Variants in SKAP1 observed in about 807,000 individuals in gnomAD.
The protein encoded by SKAP1 is src kinase associated phosphoprotein 1, also known as src kinase-associated phosphoprotein 1.
Under a neutral mutation model 58.5 loss-of-function variants are expected in SKAP1, and 44 were observed. That is an observed-to-expected ratio of 0.75 (90% CI 0.59 to 0.97). The LOEUF (loss-of-function observed/expected upper bound fraction) is 0.97. Among genes scored for constraint, SKAP1 ranks in the 50% least tolerant of loss-of-function variants. The pLI is 0.00. For missense variants in SKAP1, 390 were observed against 435.2 expected (o/e 0.90, Z 0.92); for synonymous variants, 127 against 149.7 (o/e 0.85, Z 1.11).
At chr17:48,233,607 C>T (rs2065147804) in intron 4 of SKAP1, among the ~76,000 whole-genome samples, 1 of 152,098 alleles carries the variant, frequency 6.6e-6, no homozygotes, top group South Asian at 2.1e-4. Context: ...GTAATCCCAG[C>T]ACTTTGGGAG....
intron 9 of SKAP1, among the ~76,000 whole-genome samples, chr17:48,173,251 ATGGGAAAAGGAG>A (rs1357973410): frequency 1.3e-5 from 2 of 151,994 alleles, no homozygotes; most frequent in Non-Finnish European, 2.9e-5. Context: ...ACAATATAGT[ATGGGAAAAGGAG>A]CACTTTGACT....
intron 5 of SKAP1, 46 bp downstream of exon 5, chr17:48,189,377 C>A: frequency 6.7e-7 from 1 of 1,491,164 alleles, no homozygotes; most frequent in Non-Finnish European, 9.3e-7. Context: ...TCCTCACTTC[C>A]CTTCCCTTCC....
At chr17:48,264,827 C>A (rs984836170) in intron 4 of SKAP1, among the ~76,000 whole-genome samples, 1 of 151,482 alleles carries the variant, frequency 6.6e-6, no homozygotes, top group Non-Finnish European at 1.5e-5. Context: ...CAGAACTGTA[C>A]TTGTCCCCAG....
intron 11 of SKAP1, among the ~76,000 whole-genome samples, chr17:48,140,894 C>T (rs942552780): frequency 1.3e-5 from 2 of 151,726 alleles, no homozygotes; most frequent in African/African-American, 4.8e-5. Flanking sequence ...TCAAGCAATT[C>T]TCCTGCCTCA....
At chr17:48,424,022 C>T (rs2067825563) in intron 1 of SKAP1, among the ~76,000 whole-genome samples, 1 of 152,134 alleles carries the variant, frequency 6.6e-6, no homozygotes. Context: ...TTGTCTTATT[C>T]CATTTGAGCT....
At chr17:48,404,152 A>G (rs1314632581) in intron 1 of SKAP1, among the ~76,000 whole-genome samples, 1 of 150,662 alleles carries the variant, frequency 6.6e-6, no homozygotes, top group Non-Finnish European at 1.5e-5. Context: ...TAAAAATATT[A>G]ATATCAAAAA....
intron 4 of SKAP1, among the ~76,000 whole-genome samples, chr17:48,276,940 G>C (rs1403047525): frequency 6.6e-6 from 1 of 152,174 alleles, no homozygotes; most frequent in Non-Finnish European, 1.5e-5. Flanking sequence ...ATCTTTATGT[G>C]ACAGACTTTA....
intron 11 of SKAP1, among the ~76,000 whole-genome samples, chr17:48,160,909 T>C (rs1042087395): frequency 3.3e-5 from 5 of 152,228 alleles, no homozygotes; most frequent in Non-Finnish European, 5.9e-5. Context: ...ATCAGGCCAA[T>C]GTCCACTCCC....
intron 6 of SKAP1, among the ~76,000 whole-genome samples, chr17:48,185,715 T>TA (rs1445444588): frequency 6.6e-6 from 1 of 151,982 alleles, no homozygotes; most frequent in Non-Finnish European, 1.5e-5. Flanking sequence ...ATGCCAATAT[T>TA]AAAAAAGAAA....
In SKAP1 at chr17:48,315,205, G is replaced by T. The variant is rs542622067; in HGVS notation, c.280+30700C>A. Among the ~76,000 whole-genome samples the T allele has an allele frequency of 9.9e-5, 15 of 152,238 alleles. No homozygotes were observed. The East Asian group carries it at 2.9e-3, about 29-fold the overall frequency. On this transcript the variant is annotated intron_variant, in intron 4 of 12. Coordinates refer to ENST00000336915, the MANE Select transcript of SKAP1 (RefSeq NM_003726.4). Reference sequence around the variant, plus strand: ...GTACTCATATAATAATTTTAGGATTGACAAAAACAGGGATAGAAATGCTGG... The same window carrying T: ...GTACTCATATAATAATTTTAGGATTTACAAAAACAGGGATAGAAATGCTGG...
chr17:48,149,570 C>T (rs921008458), intron 11 of SKAP1, among the ~76,000 whole-genome samples: 1 of 152,210 alleles, frequency 6.6e-6, no homozygotes, highest in African/African-American at 2.4e-5. Flanking sequence ...ATGACAACCG[C>T]TTATAGCTTC....
At chr17:48,421,639 A>G (rs950966666) in intron 1 of SKAP1, among the ~76,000 whole-genome samples, 1 of 152,088 alleles carries the variant, frequency 6.6e-6, no homozygotes, top group African/African-American at 2.4e-5. Flanking sequence ...GGCAAGGAAC[A>G]CTTATCTTTC....
At chr17:48,204,977 C>CTTTTCTTTCTT (rs67682493) in intron 4 of SKAP1, among the ~76,000 whole-genome samples, 4 of 69,406 alleles carry the variant, frequency 5.8e-5, no homozygotes, top group Middle Eastern at 6.8e-3. Flanking sequence ...CTTTTCTTTT[C>CTTTTCTTTCTT]TTTCTTTCTT....
At chr17:48,444,934 C>T in the SKAP1 span, among the ~76,000 whole-genome samples, 2 of 152,318 alleles carry the variant, frequency 1.3e-5, no homozygotes, top group East Asian at 3.9e-4. Context: ...AAGATTTGCA[C>T]ACCTTGGGTC....
chr17:48,382,196 A>C (rs1412660759), intron 2 of SKAP1, among the ~76,000 whole-genome samples: 8 of 148,468 alleles, frequency 5.4e-5, no homozygotes, highest in Admixed American at 2.0e-4. Context: ...AAAAAAAAAA[A>C]CCCACATGGG....
chr17:48,234,574 G>A (rs1295247451), intron 4 of SKAP1, among the ~76,000 whole-genome samples: 2 of 152,104 alleles, frequency 1.3e-5, no homozygotes, highest in African/African-American at 2.4e-5. Flanking sequence ...AAGGTAATAT[G>A]TTGTTCAGTT....
intron 6 of SKAP1, among the ~76,000 whole-genome samples, chr17:48,186,457 TA>T (rs1271123886): frequency 4.4e-5 from 3 of 68,616 alleles, no homozygotes; most frequent in African/African-American, 3.1e-4. Context: ...CTGCAGTTTT[TA>T]TTTATTTATT....
chr17:48,202,423 A>C (rs1488374094), intron 4 of SKAP1, among the ~76,000 whole-genome samples: 1 of 151,916 alleles, frequency 6.6e-6, no homozygotes, highest in African/African-American at 2.4e-5. Context: ...GCCAAACCTC[A>C]CCCTCAGACA....
chr17:48,425,909 T>C (rs928432252), intron 1 of SKAP1, among the ~76,000 whole-genome samples: 4 of 152,214 alleles, frequency 2.6e-5, no homozygotes, highest in Non-Finnish European at 5.9e-5. Flanking sequence ...AGTATGGTAA[T>C]AGATATTCAC....
Sources: allele counts gnomAD v4.1 joint callset (sites outside exome capture counted in the v4.1 genomes callset), GRCh38; gene constraint gnomAD v4.1.1; transcripts MANE v1.5; gene names NCBI Gene and HGNC (gene_info 2026-07-23, HGNC 2026-07-21).